ADARB2: variants seen among roughly 807,000 people sequenced by gnomAD.
The protein encoded by ADARB2 is inactive double-stranded RNA-specific editase B2.
ADARB2 carries 25 observed loss-of-function variants against 62.2 expected under a neutral mutation model. That is an observed-to-expected ratio of 0.40 (90% CI 0.29 to 0.56). ADARB2 has a LOEUF of 0.56. ADARB2 is among the 20% of genes least tolerant of loss of function. The pLI, the probability that ADARB2 is intolerant of heterozygous loss-of-function variation, is 0.43. For missense variants in ADARB2, 1,071 were observed against 1,077.4 expected (o/e 0.99, Z 0.08); for synonymous variants, 572 against 500.8 (o/e 1.14, Z -1.90).
chr10:1,310,489 A>G (rs944755051), intron 3 of ADARB2, among the ~76,000 whole-genome samples: 4 of 152,136 alleles, frequency 2.6e-5, no homozygotes, highest in Non-Finnish European at 4.4e-5. Flanking sequence ...AATCCATCTA[A>G]ACCTACTTTC....
chr10:1,542,129 T>C, intron 1 of ADARB2, among the ~76,000 whole-genome samples: 1 of 34,080 alleles, frequency 2.9e-5, no homozygotes, highest in Non-Finnish European at 6.8e-5. Context: ...GTTCAGACCC[T>C]GGATCACAGC....
intron 3 of ADARB2, among the ~76,000 whole-genome samples, chr10:1,294,560 T>C (rs1831507586): frequency 6.6e-6 from 1 of 151,976 alleles, no homozygotes; most frequent in Admixed American, 6.6e-5. Context: ...AAGCAGAGGG[T>C]TCCAGTGATG....
rs1053942099 is a variant in ADARB2 at position 1,670,914 on chromosome 10, G to C, written c.100+66137C>G. On this transcript the variant is annotated intron_variant, in intron 1 of 9. Coordinates refer to ENST00000381312, the MANE Select transcript of ADARB2 (RefSeq NM_018702.4). ...AACTCAGACGTCTGGAAGGGACGGG[G>C]GCAGAACGTCAGCGCCACAGACAAA... 3.3e-5 allele frequency among the ~76,000 whole-genome samples: 5 copies of C among 152,220 alleles called. No individual in the cohort carries two copies. The East Asian group carries it at 7.7e-4, about 23-fold the overall frequency.
chr10:1,634,109 G>C (rs1164022908), intron 1 of ADARB2, among the ~76,000 whole-genome samples: 2 of 152,020 alleles, frequency 1.3e-5, no homozygotes, highest in Admixed American at 6.6e-5. Flanking sequence ...TGCCCTCTGC[G>C]CCTGTCCCCA....
chr10:1,262,943 A>G (rs567144613), intron 4 of ADARB2, among the ~76,000 whole-genome samples: 1 of 152,230 alleles, frequency 6.6e-6, no homozygotes, highest in South Asian at 2.1e-4. Flanking sequence ...ATGGAATACT[A>G]TGCAGCCATA....
chr10:1,405,938 C>T (rs187207806), intron 1 of ADARB2, among the ~76,000 whole-genome samples: 112 of 152,132 alleles, frequency 7.4e-4, no homozygotes, highest in East Asian at 3.5e-3. Flanking sequence ...TTAAACCCTT[C>T]GCCAAGATAC....
At chr10:1,527,391 C>T (rs938698) in intron 1 of ADARB2, among the ~76,000 whole-genome samples, 2,446 of 152,078 alleles carry the variant, frequency 0.016, 66 homozygotes, top group African/African-American at 0.056. Flanking sequence ...ATGATTTTTA[C>T]GGGGTTTGCT....
At chr10:1,187,580 T>C (rs1010495654) in intron 8 of ADARB2, among the ~76,000 whole-genome samples, 21 of 152,362 alleles carry the variant, frequency 1.4e-4, no homozygotes, top group African/African-American at 5.0e-4. Flanking sequence ...CCCCTCTCCT[T>C]TCTCTTTGCG....
chr10:1,302,446 G>T (rs924051456), intron 3 of ADARB2, among the ~76,000 whole-genome samples: 1 of 152,218 alleles, frequency 6.6e-6, no homozygotes, highest in Non-Finnish European at 1.5e-5. Context: ...CAGCGAGCCT[G>T]GGGGAGGGGC....
chr10:1,447,671 T>C (rs1830988717), intron 1 of ADARB2, among the ~76,000 whole-genome samples: 1 of 152,192 alleles, frequency 6.6e-6, no homozygotes, highest in South Asian at 2.1e-4. Flanking sequence ...CGGATTGTAA[T>C]GGCACCAGGT....
chr10:1,232,573 GGT>G (rs1230592650), intron 6 of ADARB2, among the ~76,000 whole-genome samples: 5 of 146,972 alleles, frequency 3.4e-5, no homozygotes, highest in African/African-American at 5.0e-5. Flanking sequence ...CTATGTGTGT[GGT>G]GTGTGGTATG....
At chr10:1,419,465 A>G (rs1033190655) in intron 1 of ADARB2, among the ~76,000 whole-genome samples, 9 of 152,244 alleles carry the variant, frequency 5.9e-5, no homozygotes, top group African/African-American at 9.6e-5. Flanking sequence ...CAGAATCCAT[A>G]TGAGAAGTTT....
chr10:1,376,153 G>A (rs556653654), intron 2 of ADARB2, among the ~76,000 whole-genome samples: 1 of 152,298 alleles, frequency 6.6e-6, no homozygotes, highest in South Asian at 2.1e-4. Flanking sequence ...ATAAGGCCGC[G>A]CTGGCAATGC....
chr10:1,383,347 C>G (rs895278908), intron 1 of ADARB2, among the ~76,000 whole-genome samples: 5 of 151,846 alleles, frequency 3.3e-5, no homozygotes, highest in African/African-American at 1.2e-4. Context: ...TCCTAATCAT[C>G]TTGTTTAGAA....
At chr10:1,206,866 A>G (rs1303027670) in intron 7 of ADARB2, among the ~76,000 whole-genome samples, 1 of 152,160 alleles carries the variant, frequency 6.6e-6, no homozygotes, top group East Asian at 1.9e-4. Context: ...TGCCGTCTCC[A>G]CAGCATCTGG....
intron 6 of ADARB2, among the ~76,000 whole-genome samples, chr10:1,223,183 G>A (rs573600750): frequency 2.6e-4 from 39 of 152,198 alleles, no homozygotes; most frequent in African/African-American, 9.4e-4. Flanking sequence ...AAGCAATTGT[G>A]AATGGGAGTT....
intron 1 of ADARB2, among the ~76,000 whole-genome samples, chr10:1,642,063 A>C (rs1204635063): frequency 1.3e-5 from 2 of 152,196 alleles, no homozygotes; most frequent in Non-Finnish European, 2.9e-5. Context: ...CTCAGTGCAA[A>C]TATTTGACAT....
intron 1 of ADARB2, among the ~76,000 whole-genome samples, chr10:1,417,586 G>A (rs1265244893): frequency 1.3e-5 from 2 of 152,234 alleles, no homozygotes; most frequent in Admixed American, 6.5e-5. Flanking sequence ...GGCAGGTGTG[G>A]AGTTTGCACC....
At chr10:1,490,992 A>T (rs1212560474) in intron 1 of ADARB2, among the ~76,000 whole-genome samples, 1 of 152,220 alleles carries the variant, frequency 6.6e-6, no homozygotes, top group Non-Finnish European at 1.5e-5. Flanking sequence ...CTTAGGAACA[A>T]TGAAAAAGTA....
Sources: gnomAD v4.1 joint callset for allele counts (sites outside exome capture counted in the v4.1 genomes callset) on GRCh38, gnomAD v4.1.1 for gene constraint, MANE v1.5 for transcripts, NCBI Gene and HGNC (gene_info 2026-07-23, HGNC 2026-07-21) for gene names.